NSD2: variants seen among roughly 807,000 people sequenced by gnomAD.
NSD2 encodes the protein nuclear receptor binding SET domain protein 2.
NSD2 carries 12 observed loss-of-function variants against 139.0 expected under a neutral mutation model. That is an observed-to-expected ratio of 0.09 (90% CI 0.06 to 0.14). NSD2 has a LOEUF of 0.14. Ranked by LOEUF, NSD2 falls within the 10% of genes least tolerant of loss-of-function variation. The pLI, the probability that NSD2 is intolerant of heterozygous loss-of-function variation, is 1.00. For synonymous variants in NSD2, 669 were observed against 648.7 expected, an observed-to-expected ratio of 1.03 and a Z score of -0.48; for missense variants, 1,155 against 1,745.0, an observed-to-expected ratio of 0.66 and a Z score of 6.02.
chr4:1,910,448 T>C (rs1351383444), intron 3 of NSD2, among the ~76,000 whole-genome samples: 1 of 152,122 alleles, frequency 6.6e-6, no homozygotes, highest in Non-Finnish European at 1.5e-5. Flanking sequence ...TGGTCAAGGC[T>C]CAACCTTTTA....
chr4:1,872,009 C>T (rs1713817887), intron 1 of NSD2, among the ~76,000 whole-genome samples: 1 of 147,428 alleles, frequency 6.8e-6, no homozygotes, highest in Admixed American at 6.7e-5. Flanking sequence ...GCCCCCGGTC[C>T]GGGGCGGCCG....
intron 6 of NSD2, among the ~76,000 whole-genome samples, chr4:1,934,890 T>A (rs1266443768): frequency 1.0e-4 from 12 of 117,748 alleles, no homozygotes; most frequent in African/African-American, 4.0e-4. Context: ...TATATATATA[T>A]ATATATATAT....
intron 1 of NSD2, among the ~76,000 whole-genome samples, chr4:1,875,031 A>G (rs954557603): frequency 6.6e-6 from 1 of 152,138 alleles, no homozygotes. Flanking sequence ...GTTCAATCAT[A>G]GCTCACTGTA....
rs145895982 is a variant in NSD2, at chr4:1,949,451, C to T, written c.1882-1621C>T. Among the ~76,000 whole-genome samples, 358 of 152,272 alleles carry T rather than the reference C, an allele frequency of 2.4e-3. 1 individual carries two copies. The highest frequency in any genetic ancestry group is 8.1e-3 in the South Asian group (39 of 4,826). Reference sequence around the variant, plus strand: ...ACCACCCACAGTCACCAGTCAGAGGCGACGGAAGCCCTTGGAAAAAGCCCA... The same window carrying T: ...ACCACCCACAGTCACCAGTCAGAGGTGACGGAAGCCCTTGGAAAAAGCCCA... On this transcript the variant is annotated intron_variant, in intron 9 of 21. Transcript: ENST00000508803.
At position 1,942,788 on chromosome 4, in the gene NSD2, G is replaced by A. The variant is rs915967824; in HGVS notation, c.1881+3010G>A. 8.0e-5 allele frequency: 86 copies of A among 1,078,726 alleles called. No individual in the cohort carries two copies. The highest frequency in any genetic ancestry group is 4.8e-5 in the East Asian group (1 of 20,664). 66.8% of individuals were successfully genotyped at this position (1,078,726 alleles called of 1,614,324 possible). On this transcript the variant is annotated intron_variant, in intron 9 of 21. Transcript: ENST00000508803. This position sits in a 1 kb window ranked among gnomAD's most constrained non-coding sequence, Gnocchi z 4.0. The stretch of plus-strand genomic sequence containing the variant: ...GACTTTTGTGGAAAATATCAGCGTC[G>A]CTACCCTCAGAAACAAACTAACAGC...
rs1421108094 is a variant in NSD2 at position 1,974,493 on chromosome 4, C to T, written c.3373-370C>T. 5 of 372,636 alleles carry T rather than the reference C, an allele frequency of 1.3e-5. No individual in the cohort carries two copies. Among genetic ancestry groups the T allele is most frequent in the African/African-American group, 4.1e-5 (2 of 48,534 alleles). The allele number at this position is 372,636 out of a possible 1,614,324, so 23.1% of individuals were successfully genotyped here. A position where few individuals can be genotyped will look rare whatever the true frequency, so the allele number is the denominator to read the frequency against. On this transcript the variant is annotated intron_variant, in intron 18 of 21. Transcript: ENST00000508803. The surrounding 1 kb of genome is among the most constrained non-coding windows in gnomAD (Gnocchi z 4.0). ...CCTCCCAAAGTGCTGGGATTACAGGCGTGAGCCACTGCGCCCAGCCAGGGT... is the reference window on the plus strand; with the variant it reads ...CCTCCCAAAGTGCTGGGATTACAGGTGTGAGCCACTGCGCCCAGCCAGGGT...
chr4:1,938,416 CTTTT>C (rs746279426), intron 7 of NSD2, 31 bp from the exon 8 acceptor site: 373 of 325,190 alleles, frequency 1.1e-3, no homozygotes, highest in East Asian at 1.6e-3. Flanking sequence ...TTTTTTCTTT[CTTTT>C]TTTTTTTTTT....
intron 2 of NSD2, 53 bp from the exon 3 acceptor site, chr4:1,904,163 A>T: frequency 6.4e-7 from 1 of 1,566,808 alleles, no homozygotes; most frequent in African/African-American, 1.4e-5. Context: ...TCTTCTGGAT[A>T]CACAGGTAGT....
chr4:1,959,028 G>A (rs1560769491), intron 16 of NSD2, among the ~76,000 whole-genome samples: 1 of 152,206 alleles, frequency 6.6e-6, no homozygotes, highest in East Asian at 1.9e-4. Context: ...CTCCTGGGGT[G>A]GACTCCCATG....
intron 9 of NSD2, chr4:1,944,699 T>C (rs1270785222): frequency 9.4e-7 from 1 of 1,064,404 alleles, no homozygotes; most frequent in Non-Finnish European, 1.1e-6. Flanking sequence ...TCCTGAATTG[T>C]TTTTCTAAGA....
chr4:1,981,725 T>G lies in NSD2; in HGVS notation c.*2816T>G. 2.5e-6 allele frequency: 1 copy of G among 396,658 alleles called. No individual in the cohort carries two copies. Among genetic ancestry groups the G allele is most frequent in the Non-Finnish European group, 4.4e-6 (1 of 225,298 alleles). The allele number at this position is 396,658 out of a possible 1,614,324, so 24.6% of individuals were successfully genotyped here. A position where few individuals can be genotyped will look rare whatever the true frequency, so the allele number is the denominator to read the frequency against. On this transcript the variant is annotated 3_prime_UTR_variant, in exon 22 of 22. Coordinates refer to ENST00000508803, the MANE Select transcript of NSD2 (RefSeq NM_001042424.3). ...CTGTCTTGACATCTAAACCCCGGCG[T>G]GTGCAGTGCCCATCTTCCAGGACTA...
At chr4:1,946,027 A>T (rs939544621) in intron 9 of NSD2, 11 of 1,038,586 alleles carry the variant, frequency 1.1e-5, no homozygotes, top group Non-Finnish European at 8.1e-6. Flanking sequence ...GTGAAAATGT[A>T]ACATTTTATG....
Position 1,872,591 on chromosome 4 carries a change from T to TGTGTGTGTGAGAGAGAGA in NSD2, c.-30+1050_-30+1051insTGTGTGTGAGAGAGAGAG, listed in dbSNP as rs1281608141. ...GTGTGTGTGTGTGTGTGTGTGTGTGTGAGAGAGAGAGAGAGAGAGAGAGAG... is the reference window on the plus strand; with the variant it reads ...GTGTGTGTGTGTGTGTGTGTGTGTGTGTGTGTGTGAGAGAGAGAGAGAGAGAGAGAGAGAGAGAGAGAG... On this transcript the variant is annotated intron_variant, in intron 1 of 21. Transcript: ENST00000508803. Among the ~76,000 whole-genome samples, 16 of 44,884 alleles carry TGTGTGTGTGAGAGAGAGA rather than the reference T, an allele frequency of 3.6e-4. No individual in the cohort carries two copies. The East Asian group carries it at 3.8e-3, about 11-fold the overall frequency. 29.4% of individuals were successfully genotyped at this position (44,884 alleles called of 152,430 possible). A position where few individuals can be genotyped will look rare whatever the true frequency, so the allele number is the denominator to read the frequency against.
In NSD2 at chr4:1,943,820, A is replaced by G. The variant is rs573453906; in HGVS notation, c.1881+4042A>G. 7 of 1,062,290 alleles carry G rather than the reference A, an allele frequency of 6.6e-6. No homozygotes were observed. The East Asian group carries it at 1.5e-4, about 23-fold the overall frequency. 65.8% of individuals were successfully genotyped at this position (1,062,290 alleles called of 1,614,324 possible). On this transcript the variant is annotated intron_variant, in intron 9 of 21. Transcript: ENST00000508803. ...AGCAGTCACCCAAAGTAAAGACTCT[A>G]TCTTGAAAGGCTTTTGGTGAAAATG...
intron 18 of NSD2, among the ~76,000 whole-genome samples, chr4:1,970,009 G>A (rs1726282164): frequency 6.6e-6 from 1 of 152,202 alleles, no homozygotes; most frequent in South Asian, 2.1e-4. Context: ...GGAGTGAGCA[G>A]AGTGCAGCTG....
At chr4:1,943,298 T>C in intron 9 of NSD2, 1 of 1,043,328 alleles carries the variant, frequency 9.6e-7, no homozygotes, top group Non-Finnish European at 1.2e-6. Flanking sequence ...TTATCTTTAA[T>C]GAACGTTTCT....
In NSD2 at chr4:1,978,635, C is replaced by T. The variant is rs779471481; in HGVS notation, c.3827-3C>T. 1.0e-5 allele frequency: 16 copies of T among 1,599,542 alleles called. No individual in the cohort carries two copies. Among genetic ancestry groups the T allele is most frequent in the Admixed American group, 1.7e-5 (1 of 59,518 alleles). On this transcript the variant is annotated splice_region_variant and splice_polypyrimidine_tract_variant and intron_variant, in intron 21 of 21. Coordinates refer to ENST00000508803, the MANE Select transcript of NSD2 (RefSeq NM_001042424.3). ...TGTGCTCACATCTTGTGTTCTGTTG[C>T]AGGGAAGTGGGAATGTCCTTGGCAT...
At chr4:1,911,616 A>AAAAAAAAAAAAAAAAAAAAAG (rs1718702844) in intron 3 of NSD2, among the ~76,000 whole-genome samples, 1 of 150,846 alleles carries the variant, frequency 6.6e-6, no homozygotes, top group Non-Finnish European at 1.5e-5. Flanking sequence ...AAGAAAAAAA[A>AAAAAAAAAAAAAAAAAAAAAG]AAAGAAAGAA....
chr4:1,919,975 A>G (rs1719909639), intron 5 of NSD2, among the ~76,000 whole-genome samples: 11 of 152,134 alleles, frequency 7.2e-5, no homozygotes, highest in South Asian at 2.1e-4. Flanking sequence ...AAAATTTTCC[A>G]TGAATCTTTA....
Sources: allele counts gnomAD v4.1 joint callset (sites outside exome capture counted in the v4.1 genomes callset), GRCh38; gene constraint gnomAD v4.1.1; non-coding constraint Gnocchi (gnomAD v3.1); transcripts MANE v1.5; gene names NCBI Gene and HGNC (gene_info 2026-07-23, HGNC 2026-07-21).